LRRC7: variants seen among roughly 807,000 people sequenced by gnomAD.
The protein encoded by LRRC7 is leucine rich repeat containing 7.
In LRRC7, 23 loss-of-function variants were observed where a neutral mutation model predicts 175.7. The ratio of observed to expected loss-of-function variants is 0.13; its 90% CI spans 0.09 to 0.19. LRRC7 has a LOEUF of 0.19. Ranked by LOEUF, LRRC7 falls within the 10% of genes least tolerant of loss-of-function variation. The pLI is 1.00. For synonymous variants in LRRC7, 685 were observed against 680.9 expected (o/e 1.01, Z -0.09); for missense variants, 1,354 against 1,904.7 (o/e 0.71, Z 5.38).
chr1:69,799,162 C>T (rs1337850434), intron 4 of LRRC7, among the ~76,000 whole-genome samples: 3 of 139,438 alleles, frequency 2.2e-5, no homozygotes, highest in Non-Finnish European at 3.1e-5. Context: ...TGTGGCTTGT[C>T]TTCACTTTGG....
chr1:69,793,361 C>T (rs1329529705), intron 4 of LRRC7, among the ~76,000 whole-genome samples: 1 of 152,038 alleles, frequency 6.6e-6, no homozygotes, highest in Non-Finnish European at 1.5e-5. Context: ...AAATAAGGAT[C>T]TGTTTTGTGA....
chr1:69,726,831 G>T (rs1435161977), intron 2 of LRRC7, among the ~76,000 whole-genome samples: 1 of 152,044 alleles, frequency 6.6e-6, no homozygotes, highest in Non-Finnish European at 1.5e-5. Flanking sequence ...AAACTGCAAA[G>T]AAAAGAAAGT....
intron 3 of LRRC7, among the ~76,000 whole-genome samples, chr1:69,787,128 C>T (rs1002779060): frequency 6.6e-6 from 1 of 152,208 alleles, no homozygotes; most frequent in African/African-American, 2.4e-5. Flanking sequence ...AATCTTAAAG[C>T]TCCAAAATGA....
chr1:70,039,351 C>T lies in LRRC7; in HGVS notation c.3527C>T (p.Pro1176Leu), dbSNP rs767478276. 1.2e-6 allele frequency: 2 copies of T among 1,614,018 alleles called. No individual in the cohort carries two copies. The highest frequency in any genetic ancestry group is 1.7e-5 in the Admixed American group (1 of 60,016). ...AGGGTCAATGAGCCTCATGAGCTGCCCCCAACTGATAGGTACGGCAGACCC... is the reference window on the plus strand; with the variant it reads ...AGGGTCAATGAGCCTCATGAGCTGCTCCCAACTGATAGGTACGGCAGACCC... The part of the protein sequence containing the change: ...FRRVNEPHEL[P>L]PTDRYGRPPY... The change falls in exon 21 of 27, where the codon CCC (proline) becomes CTC (leucine). Residue 1176 changes from proline to leucine, a missense_variant. Physicochemically the swap from Pro to Leu is moderately conservative, Grantham distance 98. Around this residue, in one of 4 missense-constraint regions of LRRC7, gnomAD observed 1,032 missense variants for 1,227.2 expected, o/e 0.84. Coordinates refer to ENST00000651989, the MANE Select transcript of LRRC7 (RefSeq NM_001370785.2).
chr1:69,780,788 A>T (rs1171004833), intron 3 of LRRC7, among the ~76,000 whole-genome samples: 1 of 152,228 alleles, frequency 6.6e-6, no homozygotes, highest in Non-Finnish European at 1.5e-5. Flanking sequence ...ACTTCTAAGA[A>T]ACCAGCCATT....
At chr1:69,568,684 G>GCCCCA (rs1645600105) in intron 1 of LRRC7, 43 bp downstream of exon 1, 6 of 769,626 alleles carry the variant, frequency 7.8e-6, no homozygotes, top group Non-Finnish European at 8.8e-6. Flanking sequence ...GTGCTGCGGG[G>GCCCCA]GCCCGGCCGC....
At chr1:69,895,120 TAC>T (rs1318697026) in intron 7 of LRRC7, among the ~76,000 whole-genome samples, 1 of 152,092 alleles carries the variant, frequency 6.6e-6, no homozygotes, top group Non-Finnish European at 1.5e-5. Flanking sequence ...TAATCCCAGC[TAC>T]TCGGGAGGCT....
chr1:69,756,078 C>G (rs1670392554), intron 2 of LRRC7, among the ~76,000 whole-genome samples: 1 of 151,720 alleles, frequency 6.6e-6, no homozygotes, highest in South Asian at 2.1e-4. Context: ...TGATATGGCA[C>G]CTTGAGACAC....
intron 1 of LRRC7, among the ~76,000 whole-genome samples, chr1:69,667,933 A>G (rs983553191): frequency 1.6e-4 from 24 of 151,472 alleles, no homozygotes; most frequent in African/African-American, 5.6e-4. Flanking sequence ...TTCTCTGGTG[A>G]TATTATTTAA....
chr1:69,683,608 T>G (rs2100624251), intron 2 of LRRC7, among the ~76,000 whole-genome samples: 1 of 152,204 alleles, frequency 6.6e-6, no homozygotes, highest in East Asian at 1.9e-4. Flanking sequence ...AGGGAAGAAG[T>G]TAACCTGGAA....
intron 1 of LRRC7, among the ~76,000 whole-genome samples, chr1:69,649,262 A>T (rs939379197): frequency 2.0e-5 from 3 of 152,232 alleles, no homozygotes; most frequent in African/African-American, 7.2e-5. Flanking sequence ...TTACTTCATA[A>T]AGTACCTACA....
At chr1:70,049,367 T>TATTTATA (rs1458430394) in intron 22 of LRRC7, among the ~76,000 whole-genome samples, 1 of 152,130 alleles carries the variant, frequency 6.6e-6, no homozygotes, top group Non-Finnish European at 1.5e-5. Flanking sequence ...TACCAACATT[T>TATTTATA]GGTATGCATT....
chr1:69,986,421 T>A, intron 10 of LRRC7, 35 bp downstream of exon 10: 1 of 1,573,776 alleles, frequency 6.4e-7, no homozygotes, highest in Admixed American at 1.8e-5. Flanking sequence ...AATATTTATG[T>A]CAAATATACC....
intron 23 of LRRC7, among the ~76,000 whole-genome samples, chr1:70,061,001 A>G (rs751008521): frequency 3.9e-5 from 6 of 152,178 alleles, no homozygotes; most frequent in Non-Finnish European, 8.8e-5. Flanking sequence ...AATCTTCTCC[A>G]TCACTGGGAG....
At chr1:69,848,603 G>A (rs576502699) in intron 7 of LRRC7, among the ~76,000 whole-genome samples, 10 of 152,024 alleles carry the variant, frequency 6.6e-5, no homozygotes, top group South Asian at 4.2e-4. Flanking sequence ...CACCAAATCC[G>A]CTGAAATGTA....
At chr1:70,079,976 T>C (rs935446694) in intron 24 of LRRC7, among the ~76,000 whole-genome samples, 3 of 152,234 alleles carry the variant, frequency 2.0e-5, no homozygotes, top group African/African-American at 7.2e-5. Flanking sequence ...AAAGTGTAAT[T>C]GGCCAAGCTG....
chr1:70,143,762 A>G lies in LRRC7; in HGVS notation c.*21875A>G, dbSNP rs958498553. ...CATTTTATAAAAAAAATCAAATCAC[A>G]ACATGTTTAACTGAAATGGCTGTAT... On this transcript the variant is annotated 3_prime_UTR_variant, in exon 27 of 27. Transcript: ENST00000651989. 5.3e-5 allele frequency: 8 copies of G among 152,164 alleles called. No individual in the cohort carries two copies. The highest frequency in any genetic ancestry group is 1.9e-4 in the African/African-American group (8 of 41,454). 9.4% of individuals were successfully genotyped at this position (152,164 alleles called of 1,614,324 possible).
intron 8 of LRRC7, among the ~76,000 whole-genome samples, chr1:69,962,466 A>T (rs1651192520): frequency 1.3e-5 from 2 of 152,200 alleles, no homozygotes; most frequent in African/African-American, 4.8e-5. Flanking sequence ...TTGACCCAGC[A>T]ATCCCATTAC....
intron 1 of LRRC7, among the ~76,000 whole-genome samples, chr1:69,652,300 A>G (rs554195765): frequency 1.2e-4 from 18 of 152,334 alleles, no homozygotes; most frequent in African/African-American, 4.1e-4. Context: ...AAGTTGCAGG[A>G]TACAAAATCA....
Sources: allele counts gnomAD v4.1 joint callset (sites outside exome capture counted in the v4.1 genomes callset), GRCh38; gene constraint gnomAD v4.1.1; regional missense constraint gnomAD v4.1.1; transcripts MANE v1.5; gene names NCBI Gene and HGNC (gene_info 2026-07-23, HGNC 2026-07-21).